Variants in SHANK2 observed in about 807,000 individuals in gnomAD.
The protein encoded by SHANK2 is SH3 and multiple ankyrin repeat domains protein 2.
Under a neutral mutation model 133.7 loss-of-function variants are expected in SHANK2, and 43 were observed. The observed-to-expected ratio is 0.32, with a 90% CI of 0.25 to 0.41. The LOEUF (loss-of-function observed/expected upper bound fraction) is 0.41, where lower values mean the gene tolerates loss of function less well. SHANK2 is among the 10% of genes least tolerant of loss of function. The pLI, the probability that SHANK2 is intolerant of heterozygous loss-of-function variation, is 1.00. For synonymous variants in SHANK2, 1,017 were observed against 952.8 expected (o/e 1.07, Z -1.24); for missense variants, 1,994 against 2,235.8 (o/e 0.89, Z 2.18).
chr11:70,726,647 T>A (rs1410525935), intron 14 of SHANK2, among the ~76,000 whole-genome samples: 2 of 152,184 alleles, frequency 1.3e-5, no homozygotes, highest in African/African-American at 4.8e-5. Flanking sequence ...TTGGCTGTGG[T>A]AGATGGCAAC....
At chr11:70,707,388 A>AT (rs1945685954) in intron 14 of SHANK2, among the ~76,000 whole-genome samples, 1 of 150,306 alleles carries the variant, frequency 6.7e-6, no homozygotes, top group African/African-American at 2.5e-5. Flanking sequence ...AAAAAAAAAA[A>AT]AAAAAAAAAG....
At chr11:70,792,195 T>TCAACCAAC (rs148250082) in intron 14 of SHANK2, among the ~76,000 whole-genome samples, 4 of 144,990 alleles carry the variant, frequency 2.8e-5, no homozygotes, top group African/African-American at 1.0e-4. Context: ...AGACAGCTAA[T>TCAACCAAC]CAACCAACCA....
intron 11 of SHANK2, among the ~76,000 whole-genome samples, chr11:70,889,114 G>A (rs625488): frequency 6.6e-6 from 1 of 152,206 alleles, no homozygotes; most frequent in African/African-American, 2.4e-5. Context: ...TGGAAACAGG[G>A]TCTTTTCAGG....
chr11:71,129,531 G>A (rs1952257286), intron 3 of SHANK2, among the ~76,000 whole-genome samples: 1 of 152,176 alleles, frequency 6.6e-6, no homozygotes, highest in Non-Finnish European at 1.5e-5. Flanking sequence ...TGCAGTCCCA[G>A]CTACTCTGGA....
At chr11:70,488,256 G>C (rs1270091246) in intron 24 of SHANK2, among the ~76,000 whole-genome samples, 2 of 152,186 alleles carry the variant, frequency 1.3e-5, no homozygotes, top group Admixed American at 6.5e-5. Context: ...TGAAATGAGA[G>C]CAAAGGGTTG....
intron 1 of SHANK2, among the ~76,000 whole-genome samples, chr11:71,237,757 C>T (rs552117593): frequency 2.9e-4 from 44 of 152,284 alleles, no homozygotes; most frequent in African/African-American, 9.4e-4. Flanking sequence ...GTAGAGCCTA[C>T]CCCATCTCCC....
At chr11:70,567,147 C>T (rs2059978222) in intron 17 of SHANK2, among the ~76,000 whole-genome samples, 2 of 152,200 alleles carry the variant, frequency 1.3e-5, no homozygotes. Flanking sequence ...GGAGAGGTGT[C>T]TGCAGAGCAT....
At chr11:70,662,043 G>T in intron 15 of SHANK2, 4 of 516,202 alleles carry the variant, frequency 7.7e-6, no homozygotes, top group Non-Finnish European at 1.4e-5. Context: ...CCCGAACGGC[G>T]GCGGCGGCAG....
chr11:71,175,598 G>GAGAGACAGAGAC lies in SHANK2; in HGVS notation c.-12-28272_-12-28261dup, dbSNP rs1323452558. On this transcript the variant is annotated intron_variant, in intron 2 of 25. Coordinates refer to ENST00000601538, the MANE Select transcript of SHANK2 (RefSeq NM_012309.5). This position sits in a 1 kb window ranked among gnomAD's most constrained non-coding sequence, Gnocchi z 4.2. ...AGAGAGAGAGAGAGAGAGAGAGAGAGAGAGACAGAGACAGAGACATCGCTT... is the reference window on the plus strand; with the variant it reads ...AGAGAGAGAGAGAGAGAGAGAGAGAGAGAGACAGAGACAGAGACAGAGACAGAGACATCGCTT... Among the ~76,000 whole-genome samples the GAGAGACAGAGAC allele has an allele frequency of 3.7e-5, 4 of 107,330 alleles. No homozygotes were observed. The highest frequency in any genetic ancestry group is 1.1e-4 in the Admixed American group (1 of 8,962). The allele number at this position is 107,330 out of a possible 152,430, so 70.4% of individuals were successfully genotyped here. A position where few individuals can be genotyped will look rare whatever the true frequency, so the allele number is the denominator to read the frequency against.
At chr11:71,163,573 A>T in intron 2 of SHANK2, among the ~76,000 whole-genome samples, 1 of 152,176 alleles carries the variant, frequency 6.6e-6, no homozygotes, top group South Asian at 2.1e-4. Flanking sequence ...GGGCATTGTG[A>T]CTTCCCCTTA....
At position 70,499,583 on chromosome 11, in the gene SHANK2, G is replaced by A. The variant is rs116688816; in HGVS notation, c.2308+987C>T. Among the ~76,000 whole-genome samples, 895 of 152,348 alleles carry A rather than the reference G, an allele frequency of 5.9e-3. 12 individuals carry two copies. The highest frequency in any genetic ancestry group is 0.02 in the African/African-American group (849 of 41,576). ...AGGTGATGAATAGAGGGCCATTCCC[G>A]TGAGCTGGGGTTTGGCCTTGGATTG... On this transcript the variant is annotated intron_variant, in intron 21 of 25. Transcript: ENST00000601538.
intron 4 of SHANK2, among the ~76,000 whole-genome samples, chr11:71,114,618 T>C (rs534786870): frequency 6.6e-6 from 1 of 152,164 alleles, no homozygotes; most frequent in Non-Finnish European, 1.5e-5. Context: ...GAAAGTGCGC[T>C]GGTCAGAAGG....
chr11:71,242,332 C>A (rs189803225), intron 1 of SHANK2, among the ~76,000 whole-genome samples: 60 of 152,212 alleles, frequency 3.9e-4, no homozygotes, highest in Non-Finnish European at 5.9e-5. Flanking sequence ...GCACGATGAG[C>A]ATCCTTAATG....
At chr11:71,177,539 G>A (rs1953470576) in intron 2 of SHANK2, among the ~76,000 whole-genome samples, 1 of 151,992 alleles carries the variant, frequency 6.6e-6, no homozygotes, top group Non-Finnish European at 1.5e-5. Flanking sequence ...AGTAATCGCA[G>A]ATAAACCAAT....
intron 9 of SHANK2, among the ~76,000 whole-genome samples, chr11:71,057,434 A>C (rs1020271809): frequency 5.9e-5 from 9 of 152,374 alleles, no homozygotes; most frequent in Admixed American, 6.5e-5. Flanking sequence ...ATAAAGGCTT[A>C]AAGTCTATAT....
Position 70,804,929 on chromosome 11 carries a change from C to T in SHANK2, c.1663+2073G>A, listed in dbSNP as rs1439934285. On this transcript the variant is annotated intron_variant, in intron 13 of 25. Coordinates refer to ENST00000601538, the MANE Select transcript of SHANK2 (RefSeq NM_012309.5). This position sits in a 1 kb window ranked among gnomAD's most constrained non-coding sequence, Gnocchi z 4.1. ...TACTCAGGGTCCCCTCTAAGGGACT[C>T]TCAGCTGTTTAGTGCCCACTCCCAT... is the stretch of plus-strand genomic sequence containing the variant. 6.6e-6 allele frequency among the ~76,000 whole-genome samples: 1 copy of T among 152,190 alleles called. No individual in the cohort carries two copies. Among genetic ancestry groups the T allele is most frequent in the Non-Finnish European group, 1.5e-5 (1 of 68,028 alleles).
intron 3 of SHANK2, among the ~76,000 whole-genome samples, chr11:71,128,081 G>C (rs1311286042): frequency 6.6e-6 from 1 of 152,206 alleles, no homozygotes; most frequent in Non-Finnish European, 1.5e-5. Context: ...GGAACACAAG[G>C]AGCTGCTCCG....
intron 9 of SHANK2, among the ~76,000 whole-genome samples, chr11:71,061,120 C>A (rs1289800833): frequency 1.3e-5 from 2 of 152,364 alleles, no homozygotes; most frequent in African/African-American, 4.8e-5. Context: ...AGGTGCAGGT[C>A]AAGACTGCAG....
rs184183425 is a variant in SHANK2 at position 70,674,593 on chromosome 11, C to A, written c.1854-12915G>T. ...CGAACTCCTGACCTCAGGTAATTGG[C>A]CTGCCTCGGCCTCCCAAAGTGTTGG... On this transcript the variant is annotated intron_variant, in intron 15 of 25. Coordinates refer to ENST00000601538, the MANE Select transcript of SHANK2 (RefSeq NM_012309.5). Among the ~76,000 whole-genome samples, 3 of 152,352 alleles carry A rather than the reference C, an allele frequency of 2.0e-5. No homozygotes were observed. The South Asian group carries it at 6.2e-4, about 32-fold the overall frequency.
Sources: gnomAD v4.1 joint callset for allele counts (sites outside exome capture counted in the v4.1 genomes callset) on GRCh38, gnomAD v4.1.1 for gene constraint, Gnocchi (gnomAD v3.1) non-coding constraint, MANE v1.5 for transcripts, NCBI Gene and HGNC (gene_info 2026-07-23, HGNC 2026-07-21) for gene names.